The following LYPLA2 variants were observed in gnomAD, a reference collection of about 807,000 sequenced individuals.
The protein encoded by LYPLA2 is acyl-protein thioesterase 2.
In LYPLA2, 7 loss-of-function variants were observed where a neutral mutation model predicts 30.3. The ratio of observed to expected loss-of-function variants is 0.23; its 90% confidence interval spans 0.13 to 0.43. The LOEUF is 0.43. LYPLA2 is among the 20% of genes least tolerant of loss of function. LYPLA2 has a pLI of 1.00. For synonymous variants in LYPLA2, 112 were observed against 118.2 expected (o/e 0.95, Z 0.34); for missense variants, 206 against 307.9 (o/e 0.67, Z 2.48).
chr1:23,792,571 G>A, intron 1 of LYPLA2, 86 bp from the exon 2 acceptor site: 1 of 783,848 alleles, frequency 1.3e-6, no homozygotes, highest in Middle Eastern at 3.7e-4. Context: ...TGGGTGCTGT[G>A]TGGGGCTGAT....
Position 23,794,418 on chromosome 1 carries a change from G to T in LYPLA2, c.472-9G>T. The T allele has an allele frequency of 6.2e-7, 1 of 1,613,636 alleles. No homozygotes were observed. Among genetic ancestry groups the T allele is most frequent in the Non-Finnish European group, 8.5e-7 (1 of 1,179,882 alleles). On this transcript the variant is annotated splice_polypyrimidine_tract_variant and intron_variant, in intron 8 of 9. Transcript: ENST00000374514. This position sits in a 1 kb window ranked among gnomAD's most constrained non-coding sequence, Gnocchi z 5.9. The stretch of plus-strand genomic sequence containing the variant: ...ACTAGCTTTGCCCTGAGTCCTGTCC[G>T]GCCTCCAGGCAGCTAATGGCAGTGC...
Position 23,792,690 on chromosome 1 carries a change from G to T in LYPLA2, c.8G>T (p.Gly3Val). The part of the protein sequence containing the change: MC[G>V]NTMSVPLLTD... The stretch of plus-strand genomic sequence containing the variant: ...CGTGGAGCCGTGTGGTGTATGTGTG[G>T]TAACACCATGTCTGTGCCCCTGCTC... The change falls in exon 2 of 10, where the codon GGT (glycine) becomes GTT (valine). Residue 3 changes from glycine to valine, a missense_variant. Coordinates refer to ENST00000374514, the MANE Select transcript of LYPLA2 (RefSeq NM_007260.3). 1 of 1,611,804 alleles carries T rather than the reference G, an allele frequency of 6.2e-7. No homozygotes were observed. Among genetic ancestry groups the T allele is most frequent in the Non-Finnish European group, 8.5e-7 (1 of 1,179,854 alleles).
At position 23,793,182 on chromosome 1, in the gene LYPLA2, C is replaced by T. The variant is rs745379103; in HGVS notation, c.142C>T (p.Arg48Trp). 5.6e-6 allele frequency: 9 copies of T among 1,614,006 alleles called. No homozygotes were observed. The highest frequency in any genetic ancestry group is 1.7e-5 in the Admixed American group (1 of 60,020). ...HSWADALSTI[R>W]LPHVKYICPH... is the part of the protein sequence containing the mutation. ...CTGGGCTGACGCCCTCTCCACCATC[C>T]GGCTCCCTCACGTCAAGTACATCTG... Residue 48 changes from arginine to tryptophan, a missense_variant, in exon 4 of 10, where the codon CGG becomes TGG. Transcript: ENST00000374514. This position sits in a 1 kb window ranked among gnomAD's most constrained non-coding sequence, Gnocchi z 6.0.
chr1:23,791,949 T>C (rs950982490), intron 1 of LYPLA2: 1 of 152,338 alleles, frequency 6.6e-6, no homozygotes, highest in African/African-American at 2.4e-5. Flanking sequence ...TGACATTCTT[T>C]TGTGTGTTTG....
rs769903641 is a variant in LYPLA2 at position 23,794,738 on chromosome 1, C to T, written c.*6C>T. 6.8e-6 allele frequency: 11 copies of T among 1,613,982 alleles called. No individual in the cohort carries two copies. The highest frequency in any genetic ancestry group is 6.7e-5 in the East Asian group (3 of 44,894). The stretch of plus-strand genomic sequence containing the variant: ...AGCTGCTGCCTCCTGTCTAACTAGT[C>T]GCTGGCCCCAGTGCAGTACCCCAGC... On this transcript the variant is annotated 3_prime_UTR_variant, in exon 10 of 10. Coordinates refer to ENST00000374514, the MANE Select transcript of LYPLA2 (RefSeq NM_007260.3). This position sits in a 1 kb window ranked among gnomAD's most constrained non-coding sequence, Gnocchi z 5.9.
rs981886022 is a variant in LYPLA2 at position 23,794,971 on chromosome 1, GC to G, written c.*245del. 7.3e-5 allele frequency: 50 copies of G among 688,138 alleles called. No homozygotes were observed. Among genetic ancestry groups the G allele is most frequent in the Non-Finnish European group, 1.9e-5 (7 of 377,292 alleles). The allele number at this position is 688,138 out of a possible 1,614,324, so 42.6% of individuals were successfully genotyped here. Reference sequence around the variant, plus strand: ...TTCTTATCCATTTCCCTGGAGGCGGGCCCCCCTGGCAGCAGTATTGGAGGGG... The same window carrying G: ...TTCTTATCCATTTCCCTGGAGGCGGGCCCCCTGGCAGCAGTATTGGAGGGG... On this transcript the variant is annotated 3_prime_UTR_variant, in exon 10 of 10. Transcript: ENST00000374514. This position sits in a 1 kb window ranked among gnomAD's most constrained non-coding sequence, Gnocchi z 5.9.
Position 23,792,661 on chromosome 1 carries a change from C to G in LYPLA2, c.-22C>G. 2 of 1,610,068 alleles carry G rather than the reference C, an allele frequency of 1.2e-6. No individual in the cohort carries two copies. Among genetic ancestry groups the G allele is most frequent in the South Asian group, 1.1e-5 (1 of 90,956 alleles). Reference sequence around the variant, plus strand: ...CCGCCGCCCCGATGTATGCAGGCCCCCGCCGTGGAGCCGTGTGGTGTATGT... The same window carrying G: ...CCGCCGCCCCGATGTATGCAGGCCCGCGCCGTGGAGCCGTGTGGTGTATGT... On this transcript the variant is annotated 5_prime_UTR_variant, in exon 2 of 10. Transcript: ENST00000374514.
rs1379556113 is a variant in LYPLA2 at position 23,792,669 on chromosome 1, G to A, written c.-14G>A. 6.2e-7 allele frequency: 1 copy of A among 1,610,988 alleles called. No individual in the cohort carries two copies. The highest frequency in any genetic ancestry group is 1.1e-5 in the South Asian group (1 of 90,996). Reference sequence around the variant, plus strand: ...CCGATGTATGCAGGCCCCCGCCGTGGAGCCGTGTGGTGTATGTGTGGTAAC... The same window carrying A: ...CCGATGTATGCAGGCCCCCGCCGTGAAGCCGTGTGGTGTATGTGTGGTAAC... On this transcript the variant is annotated 5_prime_UTR_variant, in exon 2 of 10. Transcript: ENST00000374514.
chr1:23,794,888 C>T lies in LYPLA2; in HGVS notation c.*156C>T, dbSNP rs2232986. The T allele has an allele frequency of 2.4e-3, 2,117 of 873,332 alleles. 28 individuals carry two copies. In the African/African-American group the frequency reaches 0.029, roughly 12 times the overall value. The allele number at this position is 873,332 out of a possible 1,614,324, so 54.1% of individuals were successfully genotyped here. A position where few individuals can be genotyped will look rare whatever the true frequency, so the allele number is the denominator to read the frequency against. The stretch of plus-strand genomic sequence containing the variant: ...CTGGGGGCAGGTGGCAAGGCCTGGC[C>T]GGGCCTTCCTTCCTGGCCTTAGCCA... On this transcript the variant is annotated 3_prime_UTR_variant, in exon 10 of 10. Transcript: ENST00000374514. This position sits in a 1 kb window ranked among gnomAD's most constrained non-coding sequence, Gnocchi z 5.9.
rs546999683 is a variant in LYPLA2, at chr1:23,791,220, C to T, written c.-57C>T. The T allele has an allele frequency of 1.3e-5, 2 of 152,738 alleles. No homozygotes were observed. Among genetic ancestry groups the T allele is most frequent in the African/African-American group, 4.8e-5 (2 of 41,528 alleles). 9.5% of individuals were successfully genotyped at this position (152,738 alleles called of 1,614,324 possible). ...CTGCGGGAGAAAGAGGAGAATCGCC[C>T]AAGCGGCCTCGGAAGTCCCAGGGAG... On this transcript the variant is annotated 5_prime_UTR_variant, in exon 1 of 10. Transcript: ENST00000374514.
Position 23,793,853 on chromosome 1 carries a change from T to C in LYPLA2, c.225-7T>C. ...TTTCTATAGCTGCCAGTGCCTCTAC[T>C]CCCAAGGTTTGACCTGATGGGGCTG... On this transcript the variant is annotated splice_polypyrimidine_tract_variant and splice_region_variant and intron_variant, in intron 5 of 9. Transcript: ENST00000374514. This position sits in a 1 kb window ranked among gnomAD's most constrained non-coding sequence, Gnocchi z 6.0. The C allele has an allele frequency of 6.2e-7, 1 of 1,613,662 alleles. No individual in the cohort carries two copies. The highest frequency in any genetic ancestry group is 1.1e-5 in the South Asian group (1 of 91,076).
chr1:23,793,501 G>A lies in LYPLA2; in HGVS notation c.177-204G>A, dbSNP rs1415561130. On this transcript the variant is annotated intron_variant, in intron 4 of 9. Coordinates refer to ENST00000374514, the MANE Select transcript of LYPLA2 (RefSeq NM_007260.3). This position sits in a 1 kb window ranked among gnomAD's most constrained non-coding sequence, Gnocchi z 6.0. ...TACCTGGGACCCCGTCACACCAAGC[G>A]CTGGGCTCTGCTTCTCCATTACTGG... 4.6e-5 allele frequency among the ~76,000 whole-genome samples: 7 copies of A among 152,142 alleles called. No homozygotes were observed. Among genetic ancestry groups the A allele is most frequent in the Non-Finnish European group, 7.4e-5 (5 of 68,016 alleles).
chr1:23,792,920 C>T, intron 2 of LYPLA2, 88 bp from the exon 3 acceptor site: 1 of 1,482,930 alleles, frequency 6.7e-7, no homozygotes, highest in South Asian at 1.2e-5. Flanking sequence ...TGGGTTCCCC[C>T]AGGTCCTTGG....
chr1:23,793,757 G>C lies in LYPLA2; in HGVS notation c.224+5G>C. 1 of 1,614,052 alleles carries C rather than the reference G, an allele frequency of 6.2e-7. No homozygotes were observed. The highest frequency in any genetic ancestry group is 8.5e-7 in the Non-Finnish European group (1 of 1,179,938). ...GAAGATGGTGATGCCCTCCTGGTGA[G>C]TTTGGGAGTGGGGGTGGGCAGGGGG... is the stretch of plus-strand genomic sequence containing the variant. On this transcript the variant is annotated splice_donor_5th_base_variant and intron_variant, in intron 5 of 9. Transcript: ENST00000374514. The surrounding 1 kb of genome is among the most constrained non-coding windows in gnomAD (Gnocchi z 6.0).
Position 23,792,987 on chromosome 1 carries a change from C to T in LYPLA2, c.79-21C>T, listed in dbSNP as rs537012768. 7 of 1,609,566 alleles carry T rather than the reference C, an allele frequency of 4.3e-6. No individual in the cohort carries two copies. The Admixed American group carries it at 1.2e-4, about 27-fold the overall frequency. On this transcript the variant is annotated intron_variant, in intron 2 of 9. Transcript: ENST00000374514. ...ACCTAGGGGAAGCCTTCCTGTCTCC[C>T]CATTTCCCATCCTTTTCCAGGTTAT...
Position 23,795,144 on chromosome 1 carries a change from A to G in LYPLA2, c.*412A>G. The G allele has an allele frequency of 4.7e-5, 17 of 364,054 alleles. No individual in the cohort carries two copies. The highest frequency in any genetic ancestry group is 3.9e-4 in the South Asian group (17 of 44,150). The allele number at this position is 364,054 out of a possible 1,614,324, so 22.6% of individuals were successfully genotyped here. A position where few individuals can be genotyped will look rare whatever the true frequency, so the allele number is the denominator to read the frequency against. On this transcript the variant is annotated 3_prime_UTR_variant, in exon 10 of 10. Coordinates refer to ENST00000374514, the MANE Select transcript of LYPLA2 (RefSeq NM_007260.3). Reference sequence around the variant, plus strand: ...CCCTGCCCCAACTGATTCTGCCCAGATAATCGTGTCTCCTGCCTCCACTCA... The same window carrying G: ...CCCTGCCCCAACTGATTCTGCCCAGGTAATCGTGTCTCCTGCCTCCACTCA...
chr1:23,793,124 G>T lies in LYPLA2; in HGVS notation c.111-27G>T, dbSNP rs369751419. The T allele has an allele frequency of 2.7e-5, 43 of 1,613,974 alleles. No homozygotes were observed. Among genetic ancestry groups the T allele is most frequent in the Non-Finnish European group, 3.6e-5 (43 of 1,179,864 alleles). On this transcript the variant is annotated intron_variant, in intron 3 of 9. Coordinates refer to ENST00000374514, the MANE Select transcript of LYPLA2 (RefSeq NM_007260.3). This position sits in a 1 kb window ranked among gnomAD's most constrained non-coding sequence, Gnocchi z 6.0. ...GAGGCCTTCTCTTCCTACCACATCG[G>T]AGCCTTTTCTCCCGTCCCTCCTACA...
At chr1:23,792,247 G>A (rs1638808790) in intron 1 of LYPLA2, among the ~76,000 whole-genome samples, 1 of 152,038 alleles carries the variant, frequency 6.6e-6, no homozygotes, top group Non-Finnish European at 1.5e-5. Context: ...TTTCCCATAG[G>A]GCCCGGAGTT....
rs1638863910 is a variant in LYPLA2, at chr1:23,794,064, C to G, written c.297C>G (p.Ile99Met). 1.9e-6 allele frequency: 3 copies of G among 1,612,512 alleles called. No homozygotes were observed. Among genetic ancestry groups the G allele is most frequent in the East Asian group, 2.2e-5 (1 of 44,806 alleles). ...ACCCACTCATGCCCCCTCCCCCAGT[C>G]AAGGCCTTGATTGAGCATGAAATGA... The part of the protein sequence containing the change: ...EAGIKKAAEN[I>M]KALIEHEMKN... Residue 99 changes from isoleucine to methionine, a missense_variant and splice_region_variant, in exon 7 of 10, where the codon ATC (isoleucine) becomes ATG (methionine). Coordinates refer to ENST00000374514, the MANE Select transcript of LYPLA2 (RefSeq NM_007260.3). This position sits in a 1 kb window ranked among gnomAD's most constrained non-coding sequence, Gnocchi z 5.9.
Sources: gnomAD v4.1 joint callset for allele counts (sites outside exome capture counted in the v4.1 genomes callset) on GRCh38, gnomAD v4.1.1 for gene constraint, Gnocchi (gnomAD v3.1) non-coding constraint, MANE v1.5 for transcripts, NCBI Gene and HGNC (gene_info 2026-07-23, HGNC 2026-07-21) for gene names.